The following SNAP25 variants were observed in gnomAD, a reference collection of about 807,000 sequenced individuals.
SNAP25 encodes synaptosome associated protein 25.
Under a neutral mutation model 28.7 loss-of-function variants are expected in SNAP25, and 3 were observed. The observed-to-expected ratio is 0.10, with a 90% CI of 0.05 to 0.27. The LOEUF (loss-of-function observed/expected upper bound fraction) is 0.27, where lower values mean the gene tolerates loss of function less well. Among genes scored for constraint, SNAP25 ranks in the 10% least tolerant of loss-of-function variants. The pLI is 1.00. For synonymous variants in SNAP25, 61 were observed against 88.1 expected (o/e 0.69, Z 1.72); for missense variants, 117 against 278.7 (o/e 0.42, Z 4.13).
intron 3 of SNAP25, among the ~76,000 whole-genome samples, chr20:10,283,631 A>AT (rs1172988011): frequency 6.6e-6 from 1 of 152,140 alleles, no homozygotes; most frequent in Non-Finnish European, 1.5e-5. Flanking sequence ...TTAAAATACT[A>AT]TTTTTTTAAA....
intron 1 of SNAP25, among the ~76,000 whole-genome samples, chr20:10,249,734 T>C (rs568688403): frequency 6.6e-6 from 1 of 152,312 alleles, no homozygotes; most frequent in East Asian, 1.9e-4. Context: ...TCTCTAGATT[T>C]GGAGCCCAGG....
intron 1 of SNAP25, among the ~76,000 whole-genome samples, chr20:10,271,731 A>AGT (rs568021015): frequency 4.8e-4 from 73 of 152,202 alleles, no homozygotes; most frequent in African/African-American, 1.7e-3. Context: ...AGAGAGGGAG[A>AGT]GCGAGAGAGA....
chr20:10,266,502 T>A (rs1347239132), intron 1 of SNAP25, among the ~76,000 whole-genome samples: 2 of 152,208 alleles, frequency 1.3e-5, no homozygotes, highest in African/African-American at 4.8e-5. Flanking sequence ...GAGAGCACAT[T>A]AACCCATGAC....
intron 1 of SNAP25, among the ~76,000 whole-genome samples, chr20:10,240,540 G>T (rs375531854): frequency 1.3e-5 from 2 of 152,290 alleles, no homozygotes; most frequent in East Asian, 1.9e-4. Context: ...GGTCATCTCA[G>T]CATGGCACCC....
chr20:10,248,891 C>G (rs2063176298), intron 1 of SNAP25, among the ~76,000 whole-genome samples: 2 of 152,150 alleles, frequency 1.3e-5, no homozygotes, highest in Admixed American at 6.5e-5. Context: ...CTAACAGACT[C>G]CCAGGTGAGG....
At chr20:10,264,930 TTTTTTTTC>T (rs917490169) in intron 1 of SNAP25, among the ~76,000 whole-genome samples, 12 of 151,060 alleles carry the variant, frequency 7.9e-5, no homozygotes, top group African/African-American at 2.9e-4. Context: ...TTTTTTTTTT[TTTTTTTTC>T]TGAGATGGAG....
chr20:10,249,939 T>C (rs767870283), intron 1 of SNAP25, among the ~76,000 whole-genome samples: 1 of 152,090 alleles, frequency 6.6e-6, no homozygotes, highest in Non-Finnish European at 1.5e-5. Context: ...CTGGAGAGCT[T>C]ATTAAAACAT....
At chr20:10,264,917 G>GTTTTTTTTTT (rs1568600552) in intron 1 of SNAP25, among the ~76,000 whole-genome samples, 1 of 136,070 alleles carries the variant, frequency 7.3e-6, no homozygotes, top group African/African-American at 3.1e-5. Context: ...CTCAGACCAT[G>GTTTTTTTTTT]CTTTTTTTTT....
intron 1 of SNAP25, among the ~76,000 whole-genome samples, chr20:10,261,410 C>T (rs1382188354): frequency 2.0e-5 from 3 of 152,160 alleles, no homozygotes; most frequent in Non-Finnish European, 4.4e-5. Flanking sequence ...GCCAAGCTTC[C>T]CTTGCCTACG....
At chr20:10,280,741 T>C (rs2063765369) in intron 3 of SNAP25, among the ~76,000 whole-genome samples, 1 of 152,216 alleles carries the variant, frequency 6.6e-6, no homozygotes, top group Admixed American at 6.5e-5. Flanking sequence ...AGACACCACA[T>C]AACTTCCATG....
chr20:10,262,926 G>T (rs1055183641), intron 1 of SNAP25, among the ~76,000 whole-genome samples: 1 of 152,034 alleles, frequency 6.6e-6, no homozygotes, highest in Admixed American at 6.6e-5. Flanking sequence ...CTGGGGGTGG[G>T]CGGTGGGGGG....
chr20:10,253,831 C>A (rs1209148825), intron 1 of SNAP25, among the ~76,000 whole-genome samples: 2 of 152,196 alleles, frequency 1.3e-5, no homozygotes, highest in African/African-American at 4.8e-5. Flanking sequence ...ACATGTCACA[C>A]ACACCCTGGG....
chr20:10,246,666 T>G (rs2063134676), intron 1 of SNAP25, among the ~76,000 whole-genome samples: 6 of 152,188 alleles, frequency 3.9e-5, no homozygotes, highest in Admixed American at 3.9e-4. Flanking sequence ...AATTGCCACC[T>G]TTTAATTTCA....
At chr20:10,274,571 C>T (rs193156052) in intron 1 of SNAP25, among the ~76,000 whole-genome samples, 25 of 152,262 alleles carry the variant, frequency 1.6e-4, no homozygotes, top group African/African-American at 5.3e-4. Context: ...AGGCTGGGTG[C>T]GGTGGCTCAC....
chr20:10,234,479 G>C (rs1341470650), intron 1 of SNAP25, among the ~76,000 whole-genome samples: 1 of 152,178 alleles, frequency 6.6e-6, no homozygotes, highest in Non-Finnish European at 1.5e-5. Context: ...AATGCCTTAA[G>C]GCAGGGTACT....
intron 7 of SNAP25, among the ~76,000 whole-genome samples, chr20:10,305,796 G>A (rs1370776914): frequency 1.3e-5 from 2 of 152,020 alleles, no homozygotes; most frequent in Admixed American, 1.3e-4. Flanking sequence ...TACCACAGAA[G>A]TCATTGAGTG....
intron 1 of SNAP25, among the ~76,000 whole-genome samples, chr20:10,254,493 A>T (rs1474191535): frequency 1.3e-5 from 2 of 152,186 alleles, no homozygotes; most frequent in African/African-American, 4.8e-5. Context: ...GTTGGCTCTT[A>T]GAAGCAGCAA....
intron 1 of SNAP25, among the ~76,000 whole-genome samples, chr20:10,233,691 G>C (rs1012174764): frequency 6.6e-6 from 1 of 152,132 alleles, no homozygotes; most frequent in African/African-American, 2.4e-5. Flanking sequence ...ATGCTGTTAG[G>C]CTGCAAGATT....
In SNAP25 at chr20:10,306,210, G is replaced by A. The variant is rs754785416; in HGVS notation, c.*13G>A. On this transcript the variant is annotated 3_prime_UTR_variant, in exon 8 of 8. Transcript: ENST00000254976. ...GGGAAGTGGTTAAGTGTGCCCACCC[G>A]TGTTCTCCTCCAAATGCTGTCGGGC... 2.9e-5 allele frequency: 47 copies of A among 1,612,746 alleles called. No homozygotes were observed. Among genetic ancestry groups the A allele is most frequent in the Middle Eastern group, 3.3e-4 (2 of 6,080 alleles).
Sources: gnomAD v4.1 joint callset for allele counts (sites outside exome capture counted in the v4.1 genomes callset) on GRCh38, gnomAD v4.1.1 for gene constraint, MANE v1.5 for transcripts, NCBI Gene and HGNC (gene_info 2026-07-23, HGNC 2026-07-21) for gene names.